BBS2: variants seen among roughly 807,000 people sequenced by gnomAD.
The protein encoded by BBS2 is Bardet-Biedl syndrome 2.
A neutral mutation model predicts 83.0 loss-of-function variants in BBS2; 62 were observed. The observed-to-expected ratio is 0.75, with a 90% CI of 0.61 to 0.92. BBS2 has a LOEUF of 0.92. BBS2 is among the 40% of genes least tolerant of loss of function. The pLI, the probability that BBS2 is intolerant of heterozygous loss-of-function variation, is 0.00. For synonymous variants in BBS2, 303 were observed against 326.1 expected (o/e 0.93, Z 0.76); for missense variants, 784 against 901.0 (o/e 0.87, Z 1.66).
At chr16:56,476,396 C>A in intron 17 of BBS2, 1 of 376,808 alleles carries the variant, frequency 2.7e-6, no homozygotes. Context: ...AAGTACTTAT[C>A]TCTTGATTAA....
intron 15 of BBS2, among the ~76,000 whole-genome samples, chr16:56,488,267 G>C (rs780463820): frequency 4.6e-5 from 7 of 152,078 alleles, no homozygotes; most frequent in Admixed American, 1.3e-4. Context: ...GTTCCGACAC[G>C]ATTCCCCCGG....
chr16:56,481,432 G>C (rs933351990), downstream of BBS2, among the ~76,000 whole-genome samples: 1 of 152,160 alleles, frequency 6.6e-6, no homozygotes, highest in Non-Finnish European at 1.5e-5. Flanking sequence ...CCTAAGGAGA[G>C]AGCATTTGAG....
In BBS2 at chr16:56,514,568, C is replaced by T. The variant is rs1964679482; in HGVS notation, c.230G>A (p.Cys77Tyr). The T allele has an allele frequency of 1.2e-6, 2 of 1,613,758 alleles. No homozygotes were observed. Among genetic ancestry groups the T allele is most frequent in the Non-Finnish European group, 1.7e-6 (2 of 1,179,616 alleles). ...AGGGTTCAATACGCCTGCAGTCAGA[C>T]AGCTGACTGCCTGGTTAATGCTGAG... The part of the protein sequence containing the change: ...SLLSINQAVS[C>Y]LTAGVLNPEL... The change falls in exon 2 of 17, where the codon TGT becomes TAT. Residue 77 changes from cysteine (C) to tyrosine (Y), a missense_variant. By Grantham distance (194) the Cys-to-Tyr change is radical (BLOSUM62 -2). Transcript: ENST00000245157.
At chr16:56,488,589 C>CT (rs1368119007) in intron 15 of BBS2, among the ~76,000 whole-genome samples, 2 of 150,788 alleles carry the variant, frequency 1.3e-5, no homozygotes, top group East Asian at 3.9e-4. Flanking sequence ...TCAGGAAACT[C>CT]TGTGTGTTCA....
chr16:56,483,323 C>A (rs1387060071), downstream of BBS2, among the ~76,000 whole-genome samples: 1 of 152,158 alleles, frequency 6.6e-6, no homozygotes, highest in East Asian at 1.9e-4. Context: ...CCTAGGACAG[C>A]CCTTGTCAAA....
intron 15 of BBS2, among the ~76,000 whole-genome samples, chr16:56,486,748 C>CTTTTTTTTTTTTTT (rs1190474419): frequency 1.2e-5 from 1 of 84,216 alleles, no homozygotes; most frequent in African/African-American, 4.7e-5. Context: ...CAGAAATATT[C>CTTTTTTTTTTTTTT]TTTTTTTTTT....
At chr16:56,487,273 A>G (rs1400980712) in intron 15 of BBS2, among the ~76,000 whole-genome samples, 1 of 152,198 alleles carries the variant, frequency 6.6e-6, no homozygotes, top group Non-Finnish European at 1.5e-5. Context: ...AGAGAGATAG[A>G]GAGATAGAGA....
intron 9 of BBS2, 133 bp downstream of exon 9, chr16:56,502,184 C>T (rs1035932344): frequency 3.4e-6 from 4 of 1,189,772 alleles, no homozygotes; most frequent in Non-Finnish European, 5.0e-6. Flanking sequence ...CATATATCCC[C>T]TCTCAATTCT....
At chr16:56,491,725 C>CA (rs773397021) in intron 15 of BBS2, among the ~76,000 whole-genome samples, 8,188 of 43,156 alleles carry the variant, frequency 0.19, 680 homozygotes, top group Admixed American at 0.22. Context: ...AACTCAACAG[C>CA]AAAAAAAAAA....
intron 12 of BBS2, 81 bp from the exon 13 acceptor site, chr16:56,498,649 G>C (rs770004292): frequency 6.3e-7 from 1 of 1,598,080 alleles, no homozygotes; most frequent in South Asian, 1.1e-5. Flanking sequence ...AGATATGAAG[G>C]TACAGCCATT....
At chr16:56,505,143 C>T in intron 7 of BBS2, among the ~76,000 whole-genome samples, 1 of 152,214 alleles carries the variant, frequency 6.6e-6, no homozygotes, top group East Asian at 1.9e-4. Flanking sequence ...CTAAGACACC[C>T]ATTTCACAGA....
rs1447236814 is a variant in BBS2, at chr16:56,502,713, A to G, written c.900T>C (p.Asp300=). The change falls in exon 8 of 17, where the codon GAT becomes GAC. Residue 300 remains aspartate, a synonymous_variant. Transcript: ENST00000245157. ...AGCAGCAGATTAACTGTATGTGGCCATCCATCCGGTAATCTCCCTCTACCA... is the reference window on the plus strand; with the variant it reads ...AGCAGCAGATTAACTGTATGTGGCCGTCCATCCGGTAATCTCCCTCTACCA... ...AGVVEGDYRM[D]GHIQLICCSV... 6.2e-7 allele frequency: 1 copy of G among 1,614,188 alleles called. No individual in the cohort carries two copies. The highest frequency in any genetic ancestry group is 8.5e-7 in the Non-Finnish European group (1 of 1,180,024).
At chr16:56,493,112 C>T (rs1242109029) in intron 15 of BBS2, among the ~76,000 whole-genome samples, 1 of 152,000 alleles carries the variant, frequency 6.6e-6, no homozygotes. Flanking sequence ...GGAGGCTGGA[C>T]ACAGTGGCTC....
chr16:56,485,978 G>A (rs1963766015), intron 15 of BBS2, among the ~76,000 whole-genome samples: 1 of 152,204 alleles, frequency 6.6e-6, no homozygotes, highest in South Asian at 2.1e-4. Context: ...GGTTGATTTA[G>A]GTGGTTAAGA....
Position 56,506,605 on chromosome 16 carries a change from TACTTA to T in BBS2, c.613-386_613-382del, listed in dbSNP as rs1964429796. ...TCACCCAAGAGGCTTTAATGATTAT[TACTTA>T]ACTTATAACATCCTACAGTCTCAAT... On this transcript the variant is annotated intron_variant, in intron 5 of 16. Coordinates refer to ENST00000245157, the MANE Select transcript of BBS2 (RefSeq NM_031885.5). 3.9e-5 allele frequency among the ~76,000 whole-genome samples: 6 copies of T among 152,364 alleles called. No homozygotes were observed. In the South Asian group the frequency reaches 1.2e-3, roughly 32 times the overall value.
intron 5 of BBS2, 56 bp downstream of exon 5, chr16:56,509,901 G>A: frequency 6.4e-7 from 1 of 1,571,882 alleles, no homozygotes; most frequent in Non-Finnish European, 8.8e-7. Flanking sequence ...TGTTTCATCT[G>A]ACAGTACTGA....
Position 56,519,772 on chromosome 16 carries a change from G to A in BBS2, c.91C>T (p.Leu31=), listed in dbSNP as rs373185970. 1.9e-5 allele frequency: 30 copies of A among 1,613,446 alleles called. No individual in the cohort carries two copies. The highest frequency in any genetic ancestry group is 1.9e-5 in the Non-Finnish European group (22 of 1,179,702). The change falls in exon 1 of 17, where the codon CTG becomes TTG. Residue 31 remains leucine (L), a synonymous_variant. Coordinates refer to ENST00000245157, the MANE Select transcript of BBS2 (RefSeq NM_031885.5). ...IGRYDGTHPC[L]AAATQTGKVF... ...TTGCCCGTTTGGGTGGCGGCCGCCA[G>A]GCACGGGTGAGTCCCGTCGTAGCGC... is the stretch of plus-strand genomic sequence containing the variant.
chr16:56,479,495 G>GT (rs1963605770), downstream of BBS2, among the ~76,000 whole-genome samples: 1 of 152,116 alleles, frequency 6.6e-6, no homozygotes, highest in African/African-American at 2.4e-5. Flanking sequence ...ATAGCTTTCT[G>GT]TTTTTTCAGA....
intron 17 of BBS2, chr16:56,475,447 T>C: frequency 6.8e-7 from 1 of 1,463,240 alleles, no homozygotes; most frequent in Non-Finnish European, 9.6e-7. Flanking sequence ...GTGATTTAAG[T>C]AGATGGTGCG....
Sources: allele counts gnomAD v4.1 joint callset (sites outside exome capture counted in the v4.1 genomes callset), GRCh38; gene constraint gnomAD v4.1.1; transcripts MANE v1.5; gene names NCBI Gene and HGNC (gene_info 2026-07-23, HGNC 2026-07-21).